Variants in OSBPL1A observed in about 807,000 individuals in gnomAD.
OSBPL1A encodes the protein oxysterol binding protein like 1A.
A neutral mutation model predicts 137.1 loss-of-function variants in OSBPL1A; 80 were observed. That is an observed-to-expected ratio of 0.58 (90% CI 0.49 to 0.70). The LOEUF (loss-of-function observed/expected upper bound fraction) is 0.70, where lower values mean the gene tolerates loss of function less well. Among genes scored for constraint, OSBPL1A ranks in the 30% least tolerant of loss-of-function variants. The probability of loss-of-function intolerance (pLI) is 0.00; values close to 1 mark genes in which losing one functional copy is unlikely to be tolerated. For missense variants in OSBPL1A, 970 were observed against 1,129.4 expected (o/e 0.86, Z 2.02); for synonymous variants, 365 against 389.7 (o/e 0.94, Z 0.75).
chr18:24,262,188 T>C (rs978305134), intron 15 of OSBPL1A, among the ~76,000 whole-genome samples: 1 of 152,194 alleles, frequency 6.6e-6, no homozygotes, highest in Non-Finnish European at 1.5e-5. Context: ...TGGCAATGCA[T>C]CAGATGCAAA....
chr18:24,278,317 T>C (rs1248008139), intron 15 of OSBPL1A, among the ~76,000 whole-genome samples: 2 of 152,114 alleles, frequency 1.3e-5, no homozygotes, highest in African/African-American at 2.4e-5. Flanking sequence ...ACAAAATAAA[T>C]CCACTGTTAC....
intron 16 of OSBPL1A, among the ~76,000 whole-genome samples, chr18:24,238,815 C>T (rs980706408): frequency 1.3e-5 from 2 of 152,216 alleles, no homozygotes; most frequent in African/African-American, 4.8e-5. Flanking sequence ...TCACCAAGCA[C>T]TTGCGCTTCG....
intron 15 of OSBPL1A, among the ~76,000 whole-genome samples, chr18:24,270,952 C>T (rs1390172140): frequency 6.6e-6 from 1 of 152,184 alleles, no homozygotes; most frequent in African/African-American, 2.4e-5. Flanking sequence ...TCTCTCCAAA[C>T]CCAGAAAAAT....
At chr18:24,254,093 G>T (rs952324754) in intron 15 of OSBPL1A, among the ~76,000 whole-genome samples, 1 of 152,138 alleles carries the variant, frequency 6.6e-6, no homozygotes, top group Non-Finnish European at 1.5e-5. Flanking sequence ...AGATGGAGTT[G>T]GTTAGGTCTT....
At chr18:24,302,109 TGTAGTCCCCAGCTAC>T (rs1009662114) in intron 14 of OSBPL1A, among the ~76,000 whole-genome samples, 1 of 151,714 alleles carries the variant, frequency 6.6e-6, no homozygotes, top group African/African-American at 2.4e-5. Flanking sequence ...AGCGGGCACT[TGTAGTCCCCAGCTAC>T]TCTGGAGGCT....
rs189657460 is a variant in OSBPL1A at position 24,289,960 on chromosome 18, C to G, written c.1175-9012G>C. ...TATATCCCAATAAACCCATCATAAA[C>G]TGAAAATGTCACTTTCACACTATTG... On this transcript the variant is annotated intron_variant, in intron 14 of 27. Coordinates refer to ENST00000319481, the MANE Select transcript of OSBPL1A (RefSeq NM_080597.4). Among the ~76,000 whole-genome samples the G allele has an allele frequency of 3.1e-3, 474 of 152,194 alleles. 5 individuals carry two copies. Among genetic ancestry groups the G allele is most frequent in the African/African-American group, 0.011 (440 of 41,518 alleles).
intron 15 of OSBPL1A, among the ~76,000 whole-genome samples, chr18:24,255,643 G>A (rs1263979374): frequency 6.6e-6 from 1 of 152,048 alleles, no homozygotes; most frequent in Admixed American, 6.6e-5. Flanking sequence ...GTTGATTGAT[G>A]TCTCAAGTCT....
intron 4 of OSBPL1A, 86 bp downstream of exon 4, chr18:24,366,806 G>T (rs2091708303): frequency 1.5e-6 from 2 of 1,330,266 alleles, no homozygotes; most frequent in South Asian, 1.4e-5. Context: ...TTCGGTTGCT[G>T]GTCAGATGGT....
intron 15 of OSBPL1A, among the ~76,000 whole-genome samples, chr18:24,243,936 T>C (rs2146017110): frequency 6.6e-6 from 1 of 152,306 alleles, no homozygotes; most frequent in Non-Finnish European, 1.5e-5. Context: ...GAGAAACATC[T>C]GAAAGCATGC....
chr18:24,303,708 G>T lies in OSBPL1A; in HGVS notation c.1103C>A (p.Ser368Ter). Residue 368 changes from serine (S) to a stop codon, truncating the protein, a stop_gained, in exon 14 of 28, where the codon TCA (serine) becomes TAA (stop). Transcript: ENST00000319481. LOFTEE classifies it high-confidence loss of function. ...DLKKSLEKAQ[S>*]CQQRLDREIS... ...TTCCCTATCTAGTCGCTGTTGGCAT[G>T]ACTGTGCTTTCTGCAAAAAAAGAAA... The T allele has an allele frequency of 2.5e-6, 4 of 1,612,814 alleles. No homozygotes were observed. In the South Asian group the frequency reaches 3.3e-5, roughly 13 times the overall value.
At chr18:24,369,943 C>T (rs959400106) in intron 2 of OSBPL1A, among the ~76,000 whole-genome samples, 4 of 152,154 alleles carry the variant, frequency 2.6e-5, no homozygotes, top group Non-Finnish European at 4.4e-5. Flanking sequence ...CACTGCTGGC[C>T]GAGCATGGTG....
intron 7 of OSBPL1A, among the ~76,000 whole-genome samples, chr18:24,319,284 G>A (rs988073211): frequency 7.2e-5 from 11 of 152,198 alleles, no homozygotes; most frequent in South Asian, 2.1e-4. Flanking sequence ...CCAGCATTCT[G>A]TTCTCTCTCT....
At position 24,265,935 on chromosome 18, in the gene OSBPL1A, T is replaced by C. The variant is rs2089559779; in HGVS notation, c.1281+14907A>G. ...AACACACCATGCCACAAACCAGTTT[T>C]GCTCCCTTTCTCTCCCTGAGTTGTG... is the stretch of plus-strand genomic sequence containing the variant. On this transcript the variant is annotated intron_variant, in intron 15 of 27. Transcript: ENST00000319481. 2.0e-5 allele frequency among the ~76,000 whole-genome samples: 3 copies of C among 152,238 alleles called. 1 individual carries two copies. Among genetic ancestry groups the C allele is most frequent in the Admixed American group, 2.0e-4 (3 of 15,288 alleles).
At chr18:24,259,015 G>A (rs1001117647) in intron 15 of OSBPL1A, among the ~76,000 whole-genome samples, 6 of 136,214 alleles carry the variant, frequency 4.4e-5, no homozygotes, top group Admixed American at 2.5e-4. Context: ...TCGGCTCACT[G>A]TAAGCTCCAC....
chr18:24,311,532 T>TA, intron 13 of OSBPL1A: 2 of 988,156 alleles, frequency 2.0e-6, no homozygotes, highest in Non-Finnish European at 2.4e-6. Context: ...TGCTTTACCT[T>TA]ATCTCTTAGC....
At chr18:24,317,431 C>T (rs752471460) in intron 9 of OSBPL1A, 31 bp from the exon 10 acceptor site, 2 of 1,519,840 alleles carry the variant, frequency 1.3e-6, no homozygotes, top group East Asian at 4.5e-5. Context: ...ATTTCCCAAG[C>T]TGACACATCT....
At chr18:24,313,739 A>G (rs2090668183) in intron 12 of OSBPL1A, among the ~76,000 whole-genome samples, 1 of 152,246 alleles carries the variant, frequency 6.6e-6, no homozygotes, top group Non-Finnish European at 1.5e-5. Flanking sequence ...AATTATGAAC[A>G]GAAAATACCT....
chr18:24,324,598 G>T, intron 7 of OSBPL1A, among the ~76,000 whole-genome samples: 1 of 10,430 alleles, frequency 9.6e-5, no homozygotes, highest in Non-Finnish European at 1.9e-4. Context: ...ACATGAATAT[G>T]AATATAAAAA....
intron 15 of OSBPL1A, among the ~76,000 whole-genome samples, chr18:24,245,293 C>T (rs1599555174): frequency 6.6e-6 from 1 of 151,840 alleles, no homozygotes; most frequent in Non-Finnish European, 1.5e-5. Flanking sequence ...GGTCTCCCTA[C>T]GTTGCCCAGG....
Sources: allele counts gnomAD v4.1 joint callset (sites outside exome capture counted in the v4.1 genomes callset), GRCh38; gene constraint gnomAD v4.1.1; transcripts MANE v1.5; gene names NCBI Gene and HGNC (gene_info 2026-07-23, HGNC 2026-07-21).